The following SYT16 variants were observed in gnomAD, a reference collection of about 807,000 sequenced individuals.
SYT16 encodes synaptotagmin 16, also known as synaptotagmin-16.
SYT16 carries 42 observed loss-of-function variants against 61.4 expected under a neutral mutation model. The ratio of observed to expected loss-of-function variants is 0.68; its 90% confidence interval spans 0.53 to 0.89. The LOEUF is 0.89. Among genes scored for constraint, SYT16 ranks in the 40% least tolerant of loss-of-function variants. The pLI, the probability that SYT16 is intolerant of heterozygous loss-of-function variation, is 0.00. For missense variants in SYT16, 804 were observed against 807.3 expected (o/e 1.00, Z 0.05); for synonymous variants, 314 against 302.3 (o/e 1.04, Z -0.40).
At chr14:62,016,432 G>A (rs1008110455) in intron 3 of SYT16, among the ~76,000 whole-genome samples, 2 of 151,400 alleles carry the variant, frequency 1.3e-5, no homozygotes, top group Non-Finnish European at 2.9e-5. Context: ...GGTGGCTCAC[G>A]TCTGTAATCC....
intron 1 of SYT16, among the ~76,000 whole-genome samples, chr14:61,892,795 C>A (rs1441080779): frequency 6.6e-6 from 1 of 152,150 alleles, no homozygotes; most frequent in African/African-American, 2.4e-5. Flanking sequence ...GGATTAGATA[C>A]CGGGCCGGCA....
At chr14:62,020,858 C>T (rs954488876) in intron 3 of SYT16, among the ~76,000 whole-genome samples, 3 of 152,152 alleles carry the variant, frequency 2.0e-5, no homozygotes, top group African/African-American at 7.2e-5. Flanking sequence ...TCCATGCAGC[C>T]ACATGGCTTC....
intron 1 of SYT16, among the ~76,000 whole-genome samples, chr14:61,819,917 C>T (rs1352422698): frequency 6.6e-6 from 1 of 152,206 alleles, no homozygotes; most frequent in East Asian, 1.9e-4. Flanking sequence ...GCTGGCACAA[C>T]ATATGCATTA....
At chr14:61,975,132 A>G (rs1341310141) in intron 2 of SYT16, among the ~76,000 whole-genome samples, 1 of 152,258 alleles carries the variant, frequency 6.6e-6, no homozygotes, top group African/African-American at 2.4e-5. Context: ...AGATAAACCC[A>G]TCATAAATTG....
At chr14:62,075,041 A>G (rs1182921685) in intron 4 of SYT16, 94 bp from the exon 5 acceptor site, 15 of 1,375,316 alleles carry the variant, frequency 1.1e-5, no homozygotes, top group Middle Eastern at 1.9e-4. Context: ...TGTTTCTGCA[A>G]TCTTGATTGT....
At chr14:61,975,813 T>C (rs1339198305) in intron 2 of SYT16, among the ~76,000 whole-genome samples, 3 of 151,988 alleles carry the variant, frequency 2.0e-5, no homozygotes, top group Non-Finnish European at 2.9e-5. Flanking sequence ...TGCTCCTGGT[T>C]CCCCCCAAAT....
Position 61,819,720 on chromosome 14 carries a change from A to G in SYT16, c.-325+6910A>G, listed in dbSNP as rs75488282. Among the ~76,000 whole-genome samples the G allele has an allele frequency of 6.7e-3, 1,015 of 152,352 alleles. 16 individuals are homozygous for G. The highest frequency in any genetic ancestry group is 0.024 in the African/African-American group (982 of 41,576). On this transcript the variant is annotated intron_variant, in intron 1 of 7. Coordinates refer to ENST00000683842, the MANE Select transcript of SYT16 (RefSeq NM_001367656.1). ...ATTGGCTTAGCTCAATAGAAATTGC[A>G]AAAGATTGAAGAACTGAGTGTGGTA...
At chr14:61,830,476 T>C (rs2140233116) in intron 1 of SYT16, among the ~76,000 whole-genome samples, 1 of 152,340 alleles carries the variant, frequency 6.6e-6, no homozygotes, top group Non-Finnish European at 1.5e-5. Flanking sequence ...GTGTTATCCA[T>C]AGGTGAACTG....
chr14:61,988,369 C>T (rs2052408216), intron 2 of SYT16, among the ~76,000 whole-genome samples: 1 of 151,966 alleles, frequency 6.6e-6, no homozygotes, highest in Non-Finnish European at 1.5e-5. Context: ...TTAAATAGTC[C>T]CCCTGGAGAT....
chr14:61,937,641 G>A (rs938866370), intron 1 of SYT16, among the ~76,000 whole-genome samples: 6 of 152,182 alleles, frequency 3.9e-5, no homozygotes, highest in Non-Finnish European at 8.8e-5. Context: ...TGGAGATCTG[G>A]AGAGTGTTGG....
chr14:62,055,636 C>A (rs943746437), intron 3 of SYT16, among the ~76,000 whole-genome samples: 1 of 152,000 alleles, frequency 6.6e-6, no homozygotes, highest in Non-Finnish European at 1.5e-5. Flanking sequence ...CTAGAGGAGC[C>A]CTTGATATAG....
intron 1 of SYT16, chr14:61,865,076 G>A: frequency 1.4e-6 from 2 of 1,381,454 alleles, no homozygotes; most frequent in Non-Finnish European, 2.1e-6. Context: ...TGCAGCTTGC[G>A]GGAAATGGCC....
chr14:61,871,774 A>G (rs2047340288), intron 1 of SYT16, among the ~76,000 whole-genome samples: 1 of 152,184 alleles, frequency 6.6e-6, no homozygotes, highest in African/African-American at 2.4e-5. Context: ...ATTATAGACA[A>G]TATATTAAAT....
intron 1 of SYT16, among the ~76,000 whole-genome samples, chr14:61,959,587 G>C (rs757222583): frequency 3.3e-5 from 5 of 151,978 alleles, no homozygotes; most frequent in Non-Finnish European, 7.4e-5. Flanking sequence ...ATGTTTTTAT[G>C]AACAAATTTC....
chr14:61,974,056 T>TG (rs1465398927), intron 2 of SYT16, among the ~76,000 whole-genome samples: 2 of 152,042 alleles, frequency 1.3e-5, no homozygotes, highest in Non-Finnish European at 2.9e-5. Flanking sequence ...CATGTGGGCC[T>TG]GGGGGGCTGT....
At chr14:62,066,454 A>G (rs974329692) in intron 3 of SYT16, among the ~76,000 whole-genome samples, 1 of 152,260 alleles carries the variant, frequency 6.6e-6, no homozygotes, top group African/African-American at 2.4e-5. Flanking sequence ...CTGGCACATA[A>G]TGAGCACTCA....
At chr14:61,905,154 AGAT>A in intron 1 of SYT16, among the ~76,000 whole-genome samples, 1 of 152,352 alleles carries the variant, frequency 6.6e-6, no homozygotes, top group South Asian at 2.1e-4. Context: ...AGGGCCATAA[AGAT>A]GAGTGAAACC....
intron 2 of SYT16, among the ~76,000 whole-genome samples, chr14:61,983,769 C>T (rs910980857): frequency 6.6e-6 from 1 of 152,160 alleles, no homozygotes; most frequent in African/African-American, 2.4e-5. Flanking sequence ...CTCAAGGAGT[C>T]CTCCTACGTT....
In SYT16 at chr14:62,103,354, T is replaced by G. The variant is rs549490336; in HGVS notation, c.*2647T>G. The G allele has an allele frequency of 1.3e-5, 2 of 152,222 alleles. No individual in the cohort carries two copies. Among genetic ancestry groups the G allele is most frequent in the African/African-American group, 4.8e-5 (2 of 41,452 alleles). 9.4% of individuals were successfully genotyped at this position (152,222 alleles called of 1,614,324 possible). On this transcript the variant is annotated 3_prime_UTR_variant, in exon 8 of 8. Coordinates refer to ENST00000683842, the MANE Select transcript of SYT16 (RefSeq NM_001367656.1). ...AATGATTAATATCTCATAGGGAGATTTGACATTGAAGCAGCACTGGTTTTT... is the reference window on the plus strand; with the variant it reads ...AATGATTAATATCTCATAGGGAGATGTGACATTGAAGCAGCACTGGTTTTT...
Sources: allele counts gnomAD v4.1 joint callset (sites outside exome capture counted in the v4.1 genomes callset), GRCh38; gene constraint gnomAD v4.1.1; transcripts MANE v1.5; gene names NCBI Gene and HGNC (gene_info 2026-07-23, HGNC 2026-07-21).